Variants in RPS6KA2 observed in about 807,000 individuals in gnomAD.
RPS6KA2 encodes ribosomal protein S6 kinase A2.
Under a neutral mutation model 91.8 loss-of-function variants are expected in RPS6KA2, and 42 were observed. The observed-to-expected ratio is 0.46, with a 90% CI of 0.36 to 0.59. The LOEUF is 0.59. Ranked by LOEUF, RPS6KA2 falls within the 20% of genes least tolerant of loss-of-function variation. The pLI, the probability that RPS6KA2 is intolerant of heterozygous loss-of-function variation, is 0.00. For synonymous variants in RPS6KA2, 414 were observed against 393.6 expected (o/e 1.05, Z -0.61); for missense variants, 798 against 978.5 (o/e 0.82, Z 2.46).
chr6:166,839,105 A>G (rs888205777), intron 2 of RPS6KA2, among the ~76,000 whole-genome samples: 4 of 152,192 alleles, frequency 2.6e-5, no homozygotes, highest in African/African-American at 9.6e-5. Context: ...TTAGACAACC[A>G]GTGTGTGTTG....
At position 166,469,891 on chromosome 6, in the gene RPS6KA2, C is replaced by A. The variant is rs758821702; in HGVS notation, c.922G>T (p.Gly308Ter). ...PCNRLGAGID[G>*]VEEIKRHPFF... is the part of the protein sequence containing the mutation. ...GGATGGCGCTTAATTTCCTCCACTC[C>A]GTCAATGCCAGCACCTGTCAACAAC... The change falls in exon 11 of 21, where the codon GGA becomes TGA. Residue 308 changes from glycine (G) to a stop codon, truncating the protein, a stop_gained. Transcript: ENST00000265678. LOFTEE classifies it high-confidence loss of function. The A allele has an allele frequency of 6.2e-7, 1 of 1,614,060 alleles. No individual in the cohort carries two copies. Among genetic ancestry groups the A allele is most frequent in the Non-Finnish European group, 8.5e-7 (1 of 1,179,886 alleles).
rs560440915 is a variant in RPS6KA2, at chr6:166,435,737, C to G, written c.1333-3247G>C. Reference sequence around the variant, plus strand: ...GGGAAGTCACGTTTGCTGTCTCAGGCGACAACACTGCTGTGGGTGTGGGTG... The same window carrying G: ...GGGAAGTCACGTTTGCTGTCTCAGGGGACAACACTGCTGTGGGTGTGGGTG... On this transcript the variant is annotated intron_variant, in intron 14 of 20. Transcript: ENST00000265678. The surrounding 1 kb of genome is among the most constrained non-coding windows in gnomAD (Gnocchi z 4.3). Among the ~76,000 whole-genome samples the G allele has an allele frequency of 1.3e-5, 2 of 152,238 alleles. No homozygotes were observed. Among genetic ancestry groups the G allele is most frequent in the Non-Finnish European group, 2.9e-5 (2 of 68,048 alleles).
intron 3 of RPS6KA2, among the ~76,000 whole-genome samples, chr6:166,515,611 C>T (rs553400221): frequency 2.0e-5 from 3 of 149,266 alleles, no homozygotes; most frequent in South Asian, 2.1e-4. Flanking sequence ...TGGAGATTGC[C>T]GAATGGAGCT....
chr6:166,540,756 T>C (rs3778409), intron 1 of RPS6KA2, among the ~76,000 whole-genome samples: 13,607 of 151,990 alleles, frequency 0.09, 712 homozygotes, highest in East Asian at 0.18. Context: ...TGAAATCTCC[T>C]GGTTTATGGA....
chr6:166,451,071 A>AC lies in RPS6KA2; in HGVS notation c.1206+31dup, dbSNP rs772814804. 3 of 1,612,744 alleles carry AC rather than the reference A, an allele frequency of 1.9e-6. No individual in the cohort carries two copies. The African/African-American group carries it at 4.0e-5, about 22-fold the overall frequency. ...TCACCCATCATCCAAGTGCCCTCTT[A>AC]CCCCCAACCCACTGCAGGCAAACAC... On this transcript the variant is annotated intron_variant, in intron 13 of 20. Transcript: ENST00000265678.
chr6:166,455,062 A>G (rs1324934803), intron 12 of RPS6KA2, among the ~76,000 whole-genome samples: 1 of 151,946 alleles, frequency 6.6e-6, no homozygotes, highest in South Asian at 2.1e-4. Flanking sequence ...AGTTGTGTGC[A>G]TATTTGTATA....
upstream of RPS6KA2, among the ~76,000 whole-genome samples, chr6:166,628,243 G>A (rs1208367361): frequency 2.0e-5 from 3 of 152,128 alleles, no homozygotes; most frequent in East Asian, 5.8e-4. Flanking sequence ...CTCACCAAGG[G>A]CTGCAGCAGG....
intron 2 of RPS6KA2, among the ~76,000 whole-genome samples, chr6:166,725,500 C>T (rs1488201364): frequency 1.3e-5 from 2 of 152,246 alleles, no homozygotes; most frequent in Non-Finnish European, 2.9e-5. Context: ...CTCCAGCCTC[C>T]GAGAGCCCAC....
chr6:166,438,780 G>A (rs76661834), intron 14 of RPS6KA2, among the ~76,000 whole-genome samples: 2,546 of 152,284 alleles, frequency 0.017, 38 homozygotes, highest in Non-Finnish European at 0.028. Context: ...TTCAGATTCC[G>A]GAGATGCACT....
chr6:166,529,554 A>T (rs894851227), intron 3 of RPS6KA2, among the ~76,000 whole-genome samples: 33 of 152,206 alleles, frequency 2.2e-4, no homozygotes, highest in Non-Finnish European at 4.4e-4. Flanking sequence ...CGTGTACCCT[A>T]GCACTTAAAG....
chr6:166,446,458 G>A (rs1779682317), intron 14 of RPS6KA2, among the ~76,000 whole-genome samples: 1 of 152,220 alleles, frequency 6.6e-6, no homozygotes, highest in East Asian at 1.9e-4. Flanking sequence ...GAACTTCAGG[G>A]TTTGTGAAAG....
chr6:166,515,950 A>C (rs763981750), intron 3 of RPS6KA2, among the ~76,000 whole-genome samples: 1 of 152,216 alleles, frequency 6.6e-6, no homozygotes, highest in Non-Finnish European at 1.5e-5. Context: ...CCCGCTGAAG[A>C]CTGGAAAGTC....
At chr6:166,551,795 A>G (rs917397159) in intron 1 of RPS6KA2, among the ~76,000 whole-genome samples, 1 of 152,214 alleles carries the variant, frequency 6.6e-6, no homozygotes, top group Non-Finnish European at 1.5e-5. Context: ...TGAGAGCAAG[A>G]AGGACTTGGC....
intron 2 of RPS6KA2, among the ~76,000 whole-genome samples, chr6:166,657,152 G>A (rs1562367714): frequency 1.3e-5 from 2 of 152,154 alleles, no homozygotes; most frequent in African/African-American, 4.8e-5. Flanking sequence ...AGCCACACGA[G>A]GAAAAGGAGA....
intron 2 of RPS6KA2, among the ~76,000 whole-genome samples, chr6:166,781,189 G>A (rs570575035): frequency 6.6e-6 from 1 of 152,262 alleles, no homozygotes; most frequent in African/African-American, 2.4e-5. Flanking sequence ...AACACATCAG[G>A]TTCTTATTAA....
intron 1 of RPS6KA2, among the ~76,000 whole-genome samples, chr6:166,589,096 A>T (rs973623194): frequency 6.6e-6 from 1 of 152,242 alleles, no homozygotes; most frequent in Non-Finnish European, 1.5e-5. Context: ...CTCTTTCAAA[A>T]TTTAAGTCTT....
At chr6:166,499,455 G>A (rs774781973) in intron 7 of RPS6KA2, among the ~76,000 whole-genome samples, 1 of 152,242 alleles carries the variant, frequency 6.6e-6, no homozygotes, top group Admixed American at 6.5e-5. Context: ...ACCTTGAATT[G>A]TAAGAATCCC....
intron 16 of RPS6KA2, among the ~76,000 whole-genome samples, chr6:166,429,980 T>C (rs910096065): frequency 2.0e-5 from 3 of 150,446 alleles, no homozygotes; most frequent in Non-Finnish European, 4.4e-5. Context: ...TTTTTTGAGA[T>C]GGAGTCTCGT....
chr6:166,853,726 G>A (rs374854135), intron 2 of RPS6KA2, among the ~76,000 whole-genome samples: 1 of 152,272 alleles, frequency 6.6e-6, no homozygotes, highest in Non-Finnish European at 1.5e-5. Context: ...CAAGACAGCA[G>A]GTTGCCTCTA....
Sources: gnomAD v4.1 joint callset for allele counts (sites outside exome capture counted in the v4.1 genomes callset) on GRCh38, gnomAD v4.1.1 for gene constraint, Gnocchi (gnomAD v3.1) non-coding constraint, MANE v1.5 for transcripts, NCBI Gene and HGNC (gene_info 2026-07-23, HGNC 2026-07-21) for gene names.